CAPN9: variants seen among roughly 807,000 people sequenced by gnomAD.
CAPN9 encodes the protein calpain 9, also known as calpain-9.
Under a neutral mutation model 92.8 loss-of-function variants are expected in CAPN9, and 81 were observed. That is an observed-to-expected ratio of 0.87 (90% CI 0.73 to 1.05). CAPN9 has a LOEUF of 1.05. Among genes scored for constraint, CAPN9 ranks in the 50% least tolerant of loss-of-function variants. The pLI, the probability that CAPN9 is intolerant of heterozygous loss-of-function variation, is 0.00. For missense variants in CAPN9, 848 were observed against 866.2 expected (o/e 0.98, Z 0.26); for synonymous variants, 304 against 328.0 (o/e 0.93, Z 0.79).
Position 230,750,763 on chromosome 1 carries a change from T to C in CAPN9, c.213+3054T>C, listed in dbSNP as rs771328387. On this transcript the variant is annotated intron_variant, in intron 1 of 19. Coordinates refer to ENST00000271971, the MANE Select transcript of CAPN9 (RefSeq NM_006615.3). ...GGCAGAGCACAAAGCCAAGGGGACA[T>C]TGGAGGGCAGTGGACAGCCAGGCTT... 4.6e-5 allele frequency among the ~76,000 whole-genome samples: 7 copies of C among 152,022 alleles called. No individual in the cohort carries two copies. In the East Asian group the frequency reaches 9.7e-4, roughly 21 times the overall value.
At chr1:230,764,398 C>T (rs1024511496) in intron 4 of CAPN9, among the ~76,000 whole-genome samples, 1 of 152,318 alleles carries the variant, frequency 6.6e-6, no homozygotes, top group East Asian at 1.9e-4. Flanking sequence ...CAAACTTGGA[C>T]TTACATCATC....
chr1:230,801,615 C>G lies in CAPN9; in HGVS notation c.*19C>G, dbSNP rs1478500007. 2 of 1,610,990 alleles carry G rather than the reference C, an allele frequency of 1.2e-6. No homozygotes were observed. Among genetic ancestry groups the G allele is most frequent in the African/African-American group, 2.7e-5 (2 of 74,854 alleles). On this transcript the variant is annotated 3_prime_UTR_variant, in exon 20 of 20. Coordinates refer to ENST00000271971, the MANE Select transcript of CAPN9 (RefSeq NM_006615.3). ...CATCTGAGGCTGCCTTGTAGAGATG[C>G]AGCCTGCCCAGCTGAATCTTGGCTT...
At chr1:230,799,413 C>T (rs1443106497) in intron 19 of CAPN9, among the ~76,000 whole-genome samples, 1 of 152,112 alleles carries the variant, frequency 6.6e-6, no homozygotes, top group Non-Finnish European at 1.5e-5. Flanking sequence ...GTTGACTCAC[C>T]ACTAATTTTC....
intron 6 of CAPN9, among the ~76,000 whole-genome samples, chr1:230,769,772 ACTC>A (rs1666269997): frequency 2.0e-5 from 3 of 151,760 alleles, no homozygotes; most frequent in Admixed American, 6.6e-5. Flanking sequence ...AGCAAGACCA[ACTC>A]CTCCTCCTCC....
chr1:230,752,559 T>C, intron 1 of CAPN9: 1 of 366,800 alleles, frequency 2.7e-6, no homozygotes, highest in Non-Finnish European at 3.8e-6. Flanking sequence ...GCACAGTTGG[T>C]ACGGTTGGCG....
chr1:230,789,996 A>T, intron 13 of CAPN9, 136 bp from the exon 14 acceptor site: 2 of 633,736 alleles, frequency 3.2e-6, no homozygotes, highest in Non-Finnish European at 5.6e-6. Context: ...GGAGATAGGT[A>T]CATCTGCCCA....
chr1:230,762,149 G>A (rs1446131647), intron 3 of CAPN9, among the ~76,000 whole-genome samples: 1 of 152,174 alleles, frequency 6.6e-6, no homozygotes, highest in Non-Finnish European at 1.5e-5. Context: ...TGCCTCCTAT[G>A]TGAATGGCCA....
chr1:230,775,429 T>C (rs1031801978), intron 8 of CAPN9, among the ~76,000 whole-genome samples: 2 of 152,230 alleles, frequency 1.3e-5, no homozygotes, highest in African/African-American at 4.8e-5. Flanking sequence ...CCTGAATCTC[T>C]TTGTTTAATT....
At chr1:230,793,539 C>T (rs1325269306) in intron 17 of CAPN9, among the ~76,000 whole-genome samples, 1 of 152,248 alleles carries the variant, frequency 6.6e-6, no homozygotes, top group African/African-American at 2.4e-5. Flanking sequence ...GTCCCATGTC[C>T]TGCACACACA....
Position 230,780,349 on chromosome 1 carries a change from C to A in CAPN9, c.1272+13C>A. ...TGCCATTTATGAGGTAGGTGGGAAC[C>A]ACACTGCATTTCAGAGTTCTCCATC... On this transcript the variant is annotated intron_variant, in intron 10 of 19. Coordinates refer to ENST00000271971, the MANE Select transcript of CAPN9 (RefSeq NM_006615.3). The A allele has an allele frequency of 6.2e-7, 1 of 1,613,052 alleles. No individual in the cohort carries two copies. Among genetic ancestry groups the A allele is most frequent in the Non-Finnish European group, 8.5e-7 (1 of 1,179,500 alleles).
intron 19 of CAPN9, among the ~76,000 whole-genome samples, chr1:230,800,305 AGG>A (rs755764459): frequency 5.8e-5 from 3 of 51,774 alleles, no homozygotes; most frequent in Non-Finnish European, 1.3e-4. Flanking sequence ...AAAGAAAGAA[AGG>A]AAAAACAAGA....
In CAPN9 at chr1:230,792,888, C is replaced by CA. The variant is rs761592296; in HGVS notation, c.1831dup (p.Met611AsnfsTer5). On this transcript the variant is annotated frameshift_variant, in exon 17 of 20. Transcript: ENST00000271971. LOFTEE classifies it high-confidence loss of function. ...GGTTTGATGCTGACAAGTCCGGCACCATGTCTACCTATGAACTACGGACTG... is the reference window on the plus strand; with the variant it reads ...GGTTTGATGCTGACAAGTCCGGCACCAATGTCTACCTATGAACTACGGACTG... 24 of 1,614,124 alleles carry CA rather than the reference C, an allele frequency of 1.5e-5. No individual in the cohort carries two copies. The African/African-American group carries it at 3.1e-4, about 21-fold the overall frequency.
In CAPN9 at chr1:230,774,744, T is replaced by TTCTTTCTTTC. The variant is rs1558100247; in HGVS notation, c.953+114_953+115insCTTTCTTTCT. The TTCTTTCTTTC allele has an allele frequency of 3.4e-3, 1,969 of 578,246 alleles. 27 individuals are homozygous for TTCTTTCTTTC. The African/African-American group carries it at 0.035, about 10-fold the overall frequency. The allele number at this position is 578,246 out of a possible 1,614,324, so 35.8% of individuals were successfully genotyped here. On this transcript the variant is annotated intron_variant, in intron 8 of 19. Coordinates refer to ENST00000271971, the MANE Select transcript of CAPN9 (RefSeq NM_006615.3). ...TCCTTTTTCTTTCTTTCTTTCTTTT[T>TTCTTTCTTTC]TTTTTTTTTTTTTTGAGACGGAGTT...
chr1:230,796,419 T>C (rs1247464067), intron 18 of CAPN9, among the ~76,000 whole-genome samples: 1 of 151,958 alleles, frequency 6.6e-6, no homozygotes, highest in Non-Finnish European at 1.5e-5. Flanking sequence ...CTGTGACCCT[T>C]GGTTATCAGC....
chr1:230,758,501 GT>G (rs1252765609), intron 2 of CAPN9, among the ~76,000 whole-genome samples: 1 of 152,168 alleles, frequency 6.6e-6, no homozygotes, highest in Non-Finnish European at 1.5e-5. Flanking sequence ...AAGGCTGGGG[GT>G]GGCTTGTACT....
At chr1:230,780,365 G>A (rs749149421) in intron 10 of CAPN9, 29 bp downstream of exon 10, 11 of 1,610,480 alleles carry the variant, frequency 6.8e-6, no homozygotes, top group East Asian at 2.2e-5. Context: ...GCATTTCAGA[G>A]TTCTCCATCT....
intron 2 of CAPN9, 44 bp downstream of exon 2, chr1:230,755,450 A>G (rs1238224039): frequency 6.7e-7 from 1 of 1,501,414 alleles, no homozygotes; most frequent in East Asian, 2.4e-5. Flanking sequence ...AGGTTGAGTC[A>G]CTGGGACAGG....
intron 11 of CAPN9, among the ~76,000 whole-genome samples, chr1:230,781,684 T>C (rs1241434381): frequency 6.6e-6 from 1 of 152,218 alleles, no homozygotes; most frequent in Non-Finnish European, 1.5e-5. Context: ...AACGCTAAAA[T>C]CTGCTAATTC....
chr1:230,797,797 A>G (rs1384037159), intron 18 of CAPN9, among the ~76,000 whole-genome samples: 1 of 152,186 alleles, frequency 6.6e-6, no homozygotes, highest in Non-Finnish European at 1.5e-5. Flanking sequence ...AACAACTTTC[A>G]GATTCATGCA....
Sources: allele counts gnomAD v4.1 joint callset (sites outside exome capture counted in the v4.1 genomes callset), GRCh38; gene constraint gnomAD v4.1.1; transcripts MANE v1.5; gene names NCBI Gene and HGNC (gene_info 2026-07-23, HGNC 2026-07-21).